Variants in BCAR3 observed in about 807,000 individuals in gnomAD.
BCAR3 encodes breast cancer anti-estrogen resistance protein 3.
In BCAR3, 37 loss-of-function variants were observed where a neutral mutation model predicts 80.1. That is an observed-to-expected ratio of 0.46 (90% CI 0.36 to 0.61). BCAR3 has a LOEUF of 0.61. BCAR3 is among the 20% of genes least tolerant of loss of function. The probability of loss-of-function intolerance (pLI) is 0.00; values close to 1 mark genes in which losing one functional copy is unlikely to be tolerated. For synonymous variants in BCAR3, 389 were observed against 418.9 expected, an observed-to-expected ratio of 0.93 and a Z score of 0.87; for missense variants, 978 against 1,068.2, an observed-to-expected ratio of 0.92 and a Z score of 1.18.
intron 3 of BCAR3, among the ~76,000 whole-genome samples, chr1:93,703,640 C>G (rs1649731289): frequency 6.6e-6 from 1 of 151,642 alleles, no homozygotes; most frequent in Non-Finnish European, 1.5e-5. Flanking sequence ...TAATATACTA[C>G]ATTTATATTA....
intron 2 of BCAR3, among the ~76,000 whole-genome samples, chr1:93,648,139 G>A (rs236302): frequency 0.043 from 6,556 of 152,200 alleles, 217 homozygotes; most frequent in African/African-American, 0.083. Flanking sequence ...TCTACATGAG[G>A]AAAGTAACAT....
At chr1:93,569,474 C>A (rs1001431079) in intron 9 of BCAR3, among the ~76,000 whole-genome samples, 4 of 152,262 alleles carry the variant, frequency 2.6e-5, no homozygotes, top group African/African-American at 9.6e-5. Context: ...CTGCTCCCTA[C>A]ACCCACTCCC....
intron 2 of BCAR3, among the ~76,000 whole-genome samples, chr1:93,830,749 T>C (rs1654534323): frequency 6.6e-6 from 1 of 152,102 alleles, no homozygotes; most frequent in Non-Finnish European, 1.5e-5. Context: ...TGCGTCACAT[T>C]TGGTGCCAAA....
intron 3 of BCAR3, among the ~76,000 whole-genome samples, chr1:93,600,416 A>G (rs236336): frequency 0.39 from 59,949 of 152,148 alleles, 17,241 homozygotes; most frequent in African/African-American, 0.82. Context: ...CATGACTGGC[A>G]GGGGAGATGG....
At chr1:93,838,841 A>C (rs991770674) in intron 2 of BCAR3, among the ~76,000 whole-genome samples, 2 of 152,182 alleles carry the variant, frequency 1.3e-5, no homozygotes, top group Non-Finnish European at 2.9e-5. Context: ...AAATGCACAG[A>C]ATGGATCATT....
At chr1:93,758,179 TA>T (rs34492732) in intron 2 of BCAR3, among the ~76,000 whole-genome samples, 17,781 of 152,120 alleles carry the variant, frequency 0.12, 1,458 homozygotes, top group African/African-American at 0.22. Flanking sequence ...TCTTGGTTCA[TA>T]AGGGAGATGA....
At chr1:93,775,675 C>A (rs1339209853) in intron 2 of BCAR3, among the ~76,000 whole-genome samples, 3 of 152,110 alleles carry the variant, frequency 2.0e-5, no homozygotes, top group Non-Finnish European at 2.9e-5. Flanking sequence ...CGATTTTCCA[C>A]ATAATGGAAT....
chr1:93,836,670 G>A (rs567215341), intron 2 of BCAR3, among the ~76,000 whole-genome samples: 1 of 151,426 alleles, frequency 6.6e-6, no homozygotes, highest in Admixed American at 6.6e-5. Context: ...ATTAACATAA[G>A]AAGACAGGAA....
intron 2 of BCAR3, among the ~76,000 whole-genome samples, chr1:93,837,248 A>G (rs533362862): frequency 6.6e-6 from 1 of 152,296 alleles, no homozygotes; most frequent in South Asian, 2.1e-4. Flanking sequence ...AAAAAAATAA[A>G]TAAATTACCC....
At chr1:93,636,750 A>G (rs1201185811) in intron 3 of BCAR3, among the ~76,000 whole-genome samples, 9 of 152,154 alleles carry the variant, frequency 5.9e-5, no homozygotes, top group Non-Finnish European at 1.3e-4. Context: ...CCACCCCTAG[A>G]AAAGAACTCT....
intron 2 of BCAR3, among the ~76,000 whole-genome samples, chr1:93,742,194 A>G (rs1246158872): frequency 6.6e-6 from 1 of 152,158 alleles, no homozygotes; most frequent in Non-Finnish European, 1.5e-5. Flanking sequence ...TTGAAGAGCT[A>G]TTTGCTAACC....
intron 2 of BCAR3, among the ~76,000 whole-genome samples, chr1:93,732,975 A>C (rs1650843620): frequency 6.6e-6 from 1 of 152,238 alleles, no homozygotes; most frequent in Admixed American, 6.5e-5. Flanking sequence ...TTTGCACTGC[A>C]TTCAAACTAT....
intron 2 of BCAR3, among the ~76,000 whole-genome samples, chr1:93,756,525 C>T (rs1289648091): frequency 6.6e-6 from 1 of 152,222 alleles, no homozygotes; most frequent in Non-Finnish European, 1.5e-5. Context: ...TTCATTTCTC[C>T]TATTCTCTGG....
At chr1:93,753,669 G>A (rs1434271448) in intron 2 of BCAR3, 2 of 151,182 alleles carry the variant, frequency 1.3e-5, no homozygotes, top group African/African-American at 4.9e-5. Flanking sequence ...GAGCCCAGAA[G>A]TGTCATTTCT....
At chr1:93,708,243 C>A (rs192083653) in intron 2 of BCAR3, among the ~76,000 whole-genome samples, 232 of 152,324 alleles carry the variant, frequency 1.5e-3, no homozygotes, top group African/African-American at 5.3e-3. Context: ...TACTCTGACA[C>A]CAGGCCACTT....
chr1:93,634,548 A>G (rs1252927877), intron 3 of BCAR3, among the ~76,000 whole-genome samples: 1 of 152,114 alleles, frequency 6.6e-6, no homozygotes, highest in African/African-American at 2.4e-5. Flanking sequence ...AAAAAAAATT[A>G]GCTGGGCATG....
At chr1:93,585,306 G>A (rs995986346) in intron 5 of BCAR3, 9 of 689,030 alleles carry the variant, frequency 1.3e-5, no homozygotes, top group Non-Finnish European at 1.6e-5. Flanking sequence ...AGCAGGCCAT[G>A]AGCCATCTTT....
intron 2 of BCAR3, among the ~76,000 whole-genome samples, chr1:93,815,497 T>C (rs1046023166): frequency 2.6e-5 from 4 of 152,294 alleles, no homozygotes; most frequent in Middle Eastern, 3.4e-3. Flanking sequence ...TTCCTGGGGA[T>C]TGATGACTCA....
intron 2 of BCAR3, among the ~76,000 whole-genome samples, chr1:93,840,991 A>G (rs1402961644): frequency 6.6e-6 from 1 of 152,176 alleles, no homozygotes; most frequent in Non-Finnish European, 1.5e-5. Context: ...CTCCCCCAAG[A>G]TGCTTATTGT....
Sources: allele counts gnomAD v4.1 joint callset (sites outside exome capture counted in the v4.1 genomes callset), GRCh38; gene constraint gnomAD v4.1.1; transcripts MANE v1.5; gene names NCBI Gene and HGNC (gene_info 2026-07-23, HGNC 2026-07-21).